CYB5R4: variants seen among roughly 807,000 people sequenced by gnomAD.
The protein encoded by CYB5R4 is cytochrome b5 reductase 4.
CYB5R4 carries 55 observed loss-of-function variants against 70.2 expected under a neutral mutation model. The ratio of observed to expected loss-of-function variants is 0.78; its 90% CI spans 0.63 to 0.98. The LOEUF (loss-of-function observed/expected upper bound fraction) is 0.98. CYB5R4 is among the 50% of genes least tolerant of loss of function. CYB5R4 has a pLI of 0.00. For synonymous variants in CYB5R4, 197 were observed against 199.5 expected (o/e 0.99, Z 0.11); for missense variants, 562 against 612.6 (o/e 0.92, Z 0.87).
rs928780330 is a variant in CYB5R4 at position 83,900,369 on chromosome 6, G to A, written c.330+6747G>A. 4.5e-4 allele frequency among the ~76,000 whole-genome samples: 69 copies of A among 152,126 alleles called. 1 individual carries two copies. Among genetic ancestry groups the A allele is most frequent in the African/African-American group, 1.6e-3 (68 of 41,424 alleles). On this transcript the variant is annotated intron_variant, in intron 3 of 15. Coordinates refer to ENST00000369681, the MANE Select transcript of CYB5R4 (RefSeq NM_016230.4). ...ATTTCTGTTCTTTTACTTTTGCTGA[G>A]GAGTGCTTTACTTCCAACTAAGTGG...
At chr6:83,889,743 A>C (rs899160115) in intron 2 of CYB5R4, among the ~76,000 whole-genome samples, 2 of 152,212 alleles carry the variant, frequency 1.3e-5, no homozygotes, top group East Asian at 3.9e-4. Flanking sequence ...TCTGCAAGCT[A>C]TACAGGAAAC....
chr6:83,917,044 G>C (rs899084583), intron 5 of CYB5R4, among the ~76,000 whole-genome samples: 3 of 152,042 alleles, frequency 2.0e-5, no homozygotes, highest in Non-Finnish European at 2.9e-5. Context: ...TCTATTGTAG[G>C]GGGGAAACAC....
At chr6:83,925,455 T>C (rs2099467123) in intron 10 of CYB5R4, among the ~76,000 whole-genome samples, 3 of 152,148 alleles carry the variant, frequency 2.0e-5, no homozygotes, top group Non-Finnish European at 4.4e-5. Flanking sequence ...ATGATACCAT[T>C]CATTTCTTTT....
chr6:83,887,704 C>T (rs564805609), intron 2 of CYB5R4, among the ~76,000 whole-genome samples: 2 of 121,154 alleles, frequency 1.7e-5, no homozygotes, highest in South Asian at 5.5e-4. Flanking sequence ...TCAGTCAGTC[C>T]TTTTTTGGGT....
At chr6:83,945,314 A>T (rs1223931565) in intron 14 of CYB5R4, among the ~76,000 whole-genome samples, 1 of 152,224 alleles carries the variant, frequency 6.6e-6, no homozygotes, top group African/African-American at 2.4e-5. Context: ...CCTGCTCTTG[A>T]ATGACTACTG....
chr6:83,868,394 G>C (rs985196230), intron 2 of CYB5R4, among the ~76,000 whole-genome samples: 2 of 152,138 alleles, frequency 1.3e-5, no homozygotes, highest in Non-Finnish European at 2.9e-5. Context: ...ATGTTCAGGT[G>C]TGCCGAGCCT....
At chr6:83,926,411 A>G (rs1472848895) in intron 10 of CYB5R4, 1 of 151,908 alleles carries the variant, frequency 6.6e-6, no homozygotes, top group Non-Finnish European at 1.5e-5. Flanking sequence ...GCAGTAACAA[A>G]CTACTACAGA....
chr6:83,875,720 C>T (rs2099458426), intron 2 of CYB5R4, among the ~76,000 whole-genome samples: 1 of 152,148 alleles, frequency 6.6e-6, no homozygotes, highest in South Asian at 2.1e-4. Context: ...GAGATGTGCT[C>T]TGCTACAAGG....
chr6:83,882,097 G>A (rs61761503), intron 2 of CYB5R4, among the ~76,000 whole-genome samples: 333 of 152,204 alleles, frequency 2.2e-3, no homozygotes, highest in Non-Finnish European at 3.8e-3. Context: ...AAAGATACTG[G>A]TGAACAATCA....
In CYB5R4 at chr6:83,902,030, T is replaced by C. The variant is rs1247208248; in HGVS notation, c.331-6979T>C. Among the ~76,000 whole-genome samples, 6 of 152,182 alleles carry C rather than the reference T, an allele frequency of 3.9e-5. No homozygotes were observed. In the East Asian group the frequency reaches 1.2e-3, roughly 29 times the overall value. ...TGTGTAGAAACTTTTAAGTTTAATATAGTTACATTTGTCTATTTTTGTGTT... is the reference window on the plus strand; with the variant it reads ...TGTGTAGAAACTTTTAAGTTTAATACAGTTACATTTGTCTATTTTTGTGTT... On this transcript the variant is annotated intron_variant, in intron 3 of 15. Transcript: ENST00000369681.
chr6:83,920,025 C>T (rs915547743), intron 7 of CYB5R4, among the ~76,000 whole-genome samples: 1 of 152,060 alleles, frequency 6.6e-6, no homozygotes. Flanking sequence ...GTATTTATAA[C>T]CTGCTTCATG....
chr6:83,914,374 A>G lies in CYB5R4; in HGVS notation c.413-42A>G, dbSNP rs149836696. 5.2e-4 allele frequency: 786 copies of G among 1,504,934 alleles called. 6 individuals are homozygous for G. The East Asian group carries it at 0.018, about 34-fold the overall frequency. The allele number at this position is 1,504,934 out of a possible 1,614,324, so 93.2% of individuals were successfully genotyped here. ...GTGGACTGACATTCTCATTGACATT[A>G]AAGTATTCTTATTTGACTTTTTTTT... On this transcript the variant is annotated intron_variant, in intron 4 of 15. Transcript: ENST00000369681.
chr6:83,885,773 C>G (rs1444184510), intron 2 of CYB5R4, among the ~76,000 whole-genome samples: 6 of 152,028 alleles, frequency 3.9e-5, no homozygotes, highest in Non-Finnish European at 7.4e-5. Flanking sequence ...TAAAAAAGAG[C>G]TCTCTGAAAT....
intron 2 of CYB5R4, among the ~76,000 whole-genome samples, chr6:83,867,040 T>C (rs1419726943): frequency 6.6e-6 from 1 of 152,214 alleles, no homozygotes; most frequent in Non-Finnish European, 1.5e-5. Flanking sequence ...GTTTGGTCTT[T>C]TATTTTATCA....
rs564897482 is a variant in CYB5R4, at chr6:83,887,140, C to T, written c.230-6382C>T. On this transcript the variant is annotated intron_variant, in intron 2 of 15. Transcript: ENST00000369681. The stretch of plus-strand genomic sequence containing the variant: ...TCTTTCTGTATAAAAAGGCAATATT[C>T]GTTTTTAGGTAAAAAAATGATATCC... Among the ~76,000 whole-genome samples the T allele has an allele frequency of 4.6e-5, 7 of 152,196 alleles. No homozygotes were observed. In the South Asian group the frequency reaches 6.2e-4, roughly 14 times the overall value.
intron 14 of CYB5R4, among the ~76,000 whole-genome samples, chr6:83,952,173 G>T (rs746148115): frequency 6.6e-6 from 1 of 152,016 alleles, no homozygotes; most frequent in Non-Finnish European, 1.5e-5. Context: ...AAGGAAACGG[G>T]ACTATTTACC....
At chr6:83,901,967 A>G (rs562207671) in intron 3 of CYB5R4, among the ~76,000 whole-genome samples, 4 of 152,100 alleles carry the variant, frequency 2.6e-5, no homozygotes, top group African/African-American at 4.8e-5. Context: ...CTCCCATTCA[A>G]CATGTTGTGT....
chr6:83,947,288 C>G (rs2099470769), intron 14 of CYB5R4, among the ~76,000 whole-genome samples: 1 of 151,946 alleles, frequency 6.6e-6, no homozygotes, highest in Admixed American at 6.6e-5. Context: ...ACAAACCTGA[C>G]AAAAACAAGC....
chr6:83,875,638 G>C (rs2099458409), intron 2 of CYB5R4, among the ~76,000 whole-genome samples: 1 of 152,164 alleles, frequency 6.6e-6, no homozygotes, highest in South Asian at 2.1e-4. Context: ...TACTCCATAG[G>C]ACAGAGTAGG....
Sources: allele counts gnomAD v4.1 joint callset (sites outside exome capture counted in the v4.1 genomes callset), GRCh38; gene constraint gnomAD v4.1.1; transcripts MANE v1.5; gene names NCBI Gene and HGNC (gene_info 2026-07-23, HGNC 2026-07-21).